The following LRRK1 variants were observed in gnomAD, a reference collection of about 807,000 sequenced individuals.
LRRK1 encodes the protein leucine-rich repeat serine/threonine-protein kinase 1.
In LRRK1, 113 loss-of-function variants were observed where a neutral mutation model predicts 209.1. The observed-to-expected ratio is 0.54, with a 90% CI of 0.46 to 0.63. LRRK1 has a LOEUF of 0.63. Among genes scored for constraint, LRRK1 ranks in the 30% least tolerant of loss-of-function variants. LRRK1 has a pLI of 0.00. For synonymous variants in LRRK1, 1,144 were observed against 1,099.7 expected (o/e 1.04, Z -0.80); for missense variants, 2,284 against 2,632.2 (o/e 0.87, Z 2.89).
intron 24 of LRRK1, 150 bp from the exon 25 acceptor site, chr15:101,052,772 A>C (rs557633264): frequency 1.1e-6 from 1 of 880,410 alleles, no homozygotes; most frequent in South Asian, 1.8e-5. Flanking sequence ...GTGCTCACCC[A>C]CAAGTGGCAG....
intron 2 of LRRK1, among the ~76,000 whole-genome samples, chr15:100,936,245 A>C (rs2042297646): frequency 6.6e-6 from 1 of 152,274 alleles, no homozygotes; most frequent in African/African-American, 2.4e-5. Flanking sequence ...AGGTACAGCC[A>C]GAACGCCTTT....
chr15:100,957,452 T>A (rs2042789257), intron 2 of LRRK1, among the ~76,000 whole-genome samples: 1 of 152,258 alleles, frequency 6.6e-6, no homozygotes, highest in Non-Finnish European at 1.5e-5. Flanking sequence ...TGTTAATATT[T>A]GCTTTACTTA....
intron 2 of LRRK1, among the ~76,000 whole-genome samples, chr15:100,944,670 A>C (rs2042503776): frequency 6.6e-6 from 1 of 152,150 alleles, no homozygotes; most frequent in Non-Finnish European, 1.5e-5. Flanking sequence ...TAGTATTGAG[A>C]CAAATCAGCT....
At chr15:100,951,197 A>G (rs2141622543) in intron 2 of LRRK1, among the ~76,000 whole-genome samples, 1 of 152,360 alleles carries the variant, frequency 6.6e-6, no homozygotes, top group South Asian at 2.1e-4. Context: ...GATGCTCAAC[A>G]TCATTAATCA....
chr15:100,969,854 T>C (rs1335021519), intron 2 of LRRK1, among the ~76,000 whole-genome samples: 5 of 152,010 alleles, frequency 3.3e-5, no homozygotes, highest in African/African-American at 9.7e-5. Flanking sequence ...CATAGTATTC[T>C]ATGGTGTATA....
At chr15:101,062,963 G>A (rs938270939) in intron 31 of LRRK1, among the ~76,000 whole-genome samples, 2 of 152,160 alleles carry the variant, frequency 1.3e-5, no homozygotes, top group South Asian at 2.1e-4. Context: ...CAGGTGGAAG[G>A]ACTGTTGGTA....
At chr15:100,932,379 T>C (rs2042228505) in intron 2 of LRRK1, among the ~76,000 whole-genome samples, 1 of 152,234 alleles carries the variant, frequency 6.6e-6, no homozygotes, top group South Asian at 2.1e-4. Context: ...TTGTACATAC[T>C]ATTGTACAAC....
intron 20 of LRRK1, among the ~76,000 whole-genome samples, chr15:101,033,281 A>G (rs764470331): frequency 5.3e-5 from 8 of 152,170 alleles, no homozygotes; most frequent in Non-Finnish European, 1.2e-4. Context: ...TGTTGGTATC[A>G]TTTCAAGTCC....
intron 2 of LRRK1, among the ~76,000 whole-genome samples, chr15:100,954,007 C>A (rs537106012): frequency 3.2e-4 from 49 of 152,222 alleles, no homozygotes; most frequent in African/African-American, 1.2e-3. Context: ...CCTCTGTCTC[C>A]CAGGTTCAAG....
In LRRK1 at chr15:101,069,882, A is replaced by C. The variant is rs1241432407; in HGVS notation, c.*1034A>C. On this transcript the variant is annotated 3_prime_UTR_variant, in exon 34 of 34. Transcript: ENST00000388948. The stretch of plus-strand genomic sequence containing the variant: ...TTTATAAACTATGCACATGCATTAC[A>C]CACATGCACACACATATGCACACAC... 2 of 152,294 alleles carry C rather than the reference A, an allele frequency of 1.3e-5. No homozygotes were observed. Among genetic ancestry groups the C allele is most frequent in the East Asian group, 3.8e-4 (2 of 5,198 alleles). The allele number at this position is 152,294 out of a possible 1,614,324, so 9.4% of individuals were successfully genotyped here. A position where few individuals can be genotyped will look rare whatever the true frequency, so the allele number is the denominator to read the frequency against.
In LRRK1 at chr15:101,074,139, A is replaced by T. The variant is rs1456916839; in HGVS notation, c.*5291A>T. ...TTCTTTCCCTCCCGCCTGTCTCCTC[A>T]GTCCCAACCCCAAGCATCGCTGAGT... On this transcript the variant is annotated 3_prime_UTR_variant, in exon 34 of 34. Transcript: ENST00000388948. 2 of 152,058 alleles carry T rather than the reference A, an allele frequency of 1.3e-5. No homozygotes were observed. The highest frequency in any genetic ancestry group is 4.8e-5 in the African/African-American group (2 of 41,370). 9.4% of individuals were successfully genotyped at this position (152,058 alleles called of 1,614,324 possible).
intron 2 of LRRK1, among the ~76,000 whole-genome samples, chr15:100,926,680 C>CTTTTTTTTTTTTTTTTTTTTT (rs71151990): frequency 3.7e-5 from 3 of 81,834 alleles, no homozygotes; most frequent in Admixed American, 1.6e-4. Context: ...TTCTTTTTTT[C>CTTTTTTTTTTTTTTTTTTTTT]TTTTTTTTTT....
chr15:100,941,300 CTATG>C (rs760124016), intron 2 of LRRK1, among the ~76,000 whole-genome samples: 4 of 48,000 alleles, frequency 8.3e-5, no homozygotes, highest in African/African-American at 3.8e-4. Context: ...CTGTGTGTGT[CTATG>C]TGTGTGTGTC....
intron 2 of LRRK1, among the ~76,000 whole-genome samples, chr15:100,946,692 A>G (rs2042545961): frequency 6.6e-6 from 1 of 152,234 alleles, no homozygotes; most frequent in Non-Finnish European, 1.5e-5. Flanking sequence ...ATAAAAATCA[A>G]CACCACTAAA....
At chr15:100,958,445 G>A (rs919394080) in intron 2 of LRRK1, among the ~76,000 whole-genome samples, 1 of 152,200 alleles carries the variant, frequency 6.6e-6, no homozygotes, top group East Asian at 1.9e-4. Flanking sequence ...AGCAAGCCCA[G>A]CAAGGGTGCT....
chr15:101,036,638 A>G (rs1596304744), intron 20 of LRRK1, among the ~76,000 whole-genome samples: 1 of 152,006 alleles, frequency 6.6e-6, no homozygotes, highest in Admixed American at 6.6e-5. Flanking sequence ...GTATGGCTGG[A>G]GAATTATTGT....
At position 101,029,994 on chromosome 15, in the gene LRRK1, G is replaced by A. The variant is rs572978221; in HGVS notation, c.2963+762G>A. 3.3e-5 allele frequency among the ~76,000 whole-genome samples: 5 copies of A among 152,306 alleles called. 1 individual carries two copies. The South Asian group carries it at 8.3e-4, about 25-fold the overall frequency. ...CATCATCAGCTACTCCAGGGTGGAT[G>A]GTCCGAGGGTCAAATAGAGGCATTC... On this transcript the variant is annotated intron_variant, in intron 20 of 33. Transcript: ENST00000388948.
intron 2 of LRRK1, among the ~76,000 whole-genome samples, chr15:100,936,456 T>C (rs75992613): frequency 0.017 from 2,605 of 152,296 alleles, 65 homozygotes; most frequent in African/African-American, 0.057. Flanking sequence ...CCACTGAGAT[T>C]AGGGAATAGG....
At position 101,076,614 on chromosome 15, in the gene LRRK1, C is replaced by T. The variant is rs1386269943; in HGVS notation, c.*7766C>T. On this transcript the variant is annotated 3_prime_UTR_variant, in exon 34 of 34. Coordinates refer to ENST00000388948, the MANE Select transcript of LRRK1 (RefSeq NM_024652.6). ...GCCGCTAGCCCGCCTCTTAGAACCT[C>T]TCATTTCCTTTCCATCGTGGAAATC... is the stretch of plus-strand genomic sequence containing the variant. 1 of 152,348 alleles carries T rather than the reference C, an allele frequency of 6.6e-6. No homozygotes were observed. 9.4% of individuals were successfully genotyped at this position (152,348 alleles called of 1,614,324 possible).
Sources: gnomAD v4.1 joint callset for allele counts (sites outside exome capture counted in the v4.1 genomes callset) on GRCh38, gnomAD v4.1.1 for gene constraint, MANE v1.5 for transcripts, NCBI Gene and HGNC (gene_info 2026-07-23, HGNC 2026-07-21) for gene names.